Variants in RASEF observed in about 807,000 individuals in gnomAD.
RASEF encodes ras and EF-hand domain-containing protein.
RASEF carries 68 observed loss-of-function variants against 90.1 expected under a neutral mutation model. That is an observed-to-expected ratio of 0.75 (90% CI 0.62 to 0.92). The LOEUF (loss-of-function observed/expected upper bound fraction) is 0.92. RASEF is among the 40% of genes least tolerant of loss of function. RASEF has a pLI of 0.00. For missense variants in RASEF, 949 were observed against 937.2 expected, an observed-to-expected ratio of 1.01 and a Z score of -0.16; for synonymous variants, 331 against 345.2, an observed-to-expected ratio of 0.96 and a Z score of 0.46.
chr9:83,021,937 G>C (rs954932066), intron 3 of RASEF, among the ~76,000 whole-genome samples: 1 of 151,878 alleles, frequency 6.6e-6, no homozygotes, highest in African/African-American at 2.4e-5. Context: ...ATTTAAAGTG[G>C]GCAGCAGGTG....
Position 83,025,915 on chromosome 9 carries a change from C to T in RASEF, c.438G>A (p.Glu146=), listed in dbSNP as rs757359177. 4 of 1,581,824 alleles carry T rather than the reference C, an allele frequency of 2.5e-6. No individual in the cohort carries two copies. In the Admixed American group the frequency reaches 5.5e-5, roughly 22 times the overall value. The change falls in exon 2 of 17, where the codon GAG becomes GAA. Residue 146 remains glutamate, a synonymous_variant. Transcript: ENST00000376447. ...GDEAKFIPRE[E]QVSTLYQNIN... ...TGTTTTGGTACAAGGTACTAACTTG[C>T]TCTTCTCTGCCAAATAAATAAATAA...
At chr9:83,183,087 G>A in the RASEF span, among the ~76,000 whole-genome samples, 1 of 152,072 alleles carries the variant, frequency 6.6e-6, no homozygotes, top group Non-Finnish European at 1.5e-5. Context: ...TTTTAATTGT[G>A]ACGGCAGTTC....
At position 83,000,966 on chromosome 9, in the gene RASEF, T is replaced by C; in HGVS notation, c.1367A>G (p.Lys456Arg). 1 of 1,614,184 alleles carries C rather than the reference T, an allele frequency of 6.2e-7. No individual in the cohort carries two copies. Among genetic ancestry groups the C allele is most frequent in the Non-Finnish European group, 8.5e-7 (1 of 1,180,040 alleles). The change falls in exon 10 of 17, where the codon AAG (lysine) becomes AGG (arginine). Residue 456 changes from lysine to arginine, a missense_variant. Coordinates refer to ENST00000376447, the MANE Select transcript of RASEF (RefSeq NM_152573.4). ...PNEYDSEVEY[K>R]HQRGFQRSHG... ...TGACCTCTGAAATCCCCTCTGGTGC[T>C]TGTATTCCACTTCTGAGTCATACTC...
At chr9:83,036,468 G>A (rs952708261) in intron 1 of RASEF, among the ~76,000 whole-genome samples, 57 of 152,338 alleles carry the variant, frequency 3.7e-4, no homozygotes, top group African/African-American at 1.3e-3. Flanking sequence ...GCAATGGAGA[G>A]TACCTCGGAT....
the RASEF span, among the ~76,000 whole-genome samples, chr9:83,087,676 G>A: frequency 1.3e-5 from 2 of 151,908 alleles, no homozygotes; most frequent in East Asian, 1.9e-4. Context: ...GGCCAGTCTA[G>A]ATTAAAGATT....
chr9:83,058,897 T>C (rs1564091698), intron 1 of RASEF, among the ~76,000 whole-genome samples: 3 of 152,132 alleles, frequency 2.0e-5, no homozygotes, highest in Admixed American at 1.3e-4. Flanking sequence ...TCGCAAACCA[T>C]GTGAAACAGC....
chr9:83,017,313 G>A (rs1359184107), intron 3 of RASEF, among the ~76,000 whole-genome samples: 3 of 145,664 alleles, frequency 2.1e-5, no homozygotes, highest in Non-Finnish European at 4.5e-5. Flanking sequence ...GTGAAACCTC[G>A]TCTCTACTAA....
intron 1 of RASEF, among the ~76,000 whole-genome samples, chr9:83,028,393 C>G (rs1352582102): frequency 6.6e-6 from 1 of 152,208 alleles, no homozygotes; most frequent in Non-Finnish European, 1.5e-5. Context: ...ACCAAGAAGT[C>G]TGAGAGCATT....
At chr9:83,072,320 A>G in the RASEF span, among the ~76,000 whole-genome samples, 2 of 152,248 alleles carry the variant, frequency 1.3e-5, no homozygotes, top group East Asian at 3.9e-4. Context: ...TTAAGACTCC[A>G]TACTTCCTGC....
chr9:83,049,381 A>C, intron 1 of RASEF: 1 of 969,242 alleles, frequency 1.0e-6, no homozygotes, highest in Non-Finnish European at 1.2e-6. Context: ...TGGCTCATAC[A>C]TGGCTATCTT....
In RASEF at chr9:82,997,177, C is replaced by A. The variant is rs1367874055; in HGVS notation, c.1806-51G>T. The A allele has an allele frequency of 5.2e-6, 6 of 1,151,280 alleles. No homozygotes were observed. In the South Asian group the frequency reaches 7.4e-5, roughly 14 times the overall value. 71.3% of individuals were successfully genotyped at this position (1,151,280 alleles called of 1,614,324 possible). A position where few individuals can be genotyped will look rare whatever the true frequency, so the allele number is the denominator to read the frequency against. Reference sequence around the variant, plus strand: ...AGTCAGTTTGTGTTGCCTCATTCTTCTTCTCTTTTATGCTCATTTTTTTCT... The same window carrying A: ...AGTCAGTTTGTGTTGCCTCATTCTTATTCTCTTTTATGCTCATTTTTTTCT... On this transcript the variant is annotated intron_variant, in intron 13 of 16. Coordinates refer to ENST00000376447, the MANE Select transcript of RASEF (RefSeq NM_152573.4).
the RASEF span, among the ~76,000 whole-genome samples, chr9:83,181,200 T>G: frequency 3.4e-5 from 5 of 148,836 alleles, no homozygotes; most frequent in Non-Finnish European, 5.9e-5. Context: ...AAAAAAAAAA[T>G]TTGCTGGGAA....
chr9:83,107,397 G>A, the RASEF span, among the ~76,000 whole-genome samples: 1 of 152,154 alleles, frequency 6.6e-6, no homozygotes, highest in Non-Finnish European at 1.5e-5. Context: ...ATTAGAGCAT[G>A]TTCAAGTCTC....
At chr9:83,171,466 T>C in the RASEF span, among the ~76,000 whole-genome samples, 1 of 151,934 alleles carries the variant, frequency 6.6e-6, no homozygotes, top group Non-Finnish European at 1.5e-5. Flanking sequence ...TTTGGAAGTA[T>C]TTCTTCTTCC....
chr9:83,102,608 C>A, the RASEF span, among the ~76,000 whole-genome samples: 1 of 152,270 alleles, frequency 6.6e-6, no homozygotes, highest in Admixed American at 6.5e-5. Flanking sequence ...GGGCTACACA[C>A]GAGTTCAGGC....
chr9:83,090,706 C>A, the RASEF span, among the ~76,000 whole-genome samples: 2 of 152,056 alleles, frequency 1.3e-5, no homozygotes, highest in African/African-American at 4.8e-5. Flanking sequence ...CCCATACTTT[C>A]TTGTCTCTTT....
At chr9:83,203,833 G>A in the RASEF span, among the ~76,000 whole-genome samples, 2 of 152,140 alleles carry the variant, frequency 1.3e-5, no homozygotes, top group African/African-American at 4.8e-5. Context: ...AACTAAGGGA[G>A]GTCCTATGGC....
rs140438790 is a variant in RASEF at position 83,027,191 on chromosome 9, C to G, written c.432-1270G>C. ...ACAGAACAACACCCTCCCAGCTCCT[C>G]AGTATGTTCATCAACCCAGCAGTTC... On this transcript the variant is annotated intron_variant, in intron 1 of 16. Transcript: ENST00000376447. Among the ~76,000 whole-genome samples the G allele has an allele frequency of 1.6e-3, 244 of 152,300 alleles. 2 individuals carry two copies. Among genetic ancestry groups the G allele is most frequent in the African/African-American group, 5.7e-3 (235 of 41,566 alleles).
the RASEF span, among the ~76,000 whole-genome samples, chr9:83,071,492 G>C: frequency 6.6e-6 from 1 of 152,202 alleles, no homozygotes; most frequent in Admixed American, 6.5e-5. Context: ...GGCAACCTCT[G>C]CCTCCAGGTC....
Sources: gnomAD v4.1 joint callset for allele counts (sites outside exome capture counted in the v4.1 genomes callset) on GRCh38, gnomAD v4.1.1 for gene constraint, MANE v1.5 for transcripts, NCBI Gene and HGNC (gene_info 2026-07-23, HGNC 2026-07-21) for gene names.